Variants in UBE2E2 observed in about 807,000 individuals in gnomAD.
UBE2E2 encodes the protein ubiquitin-conjugating enzyme E2 E2.
UBE2E2 carries 6 observed loss-of-function variants against 24.7 expected under a neutral mutation model. The observed-to-expected ratio is 0.24, with a 90% CI of 0.13 to 0.48. The LOEUF (loss-of-function observed/expected upper bound fraction) is 0.48, where lower values mean the gene tolerates loss of function less well. Among genes scored for constraint, UBE2E2 ranks in the 20% least tolerant of loss-of-function variants. The pLI is 0.99. For missense variants in UBE2E2, 169 were observed against 245.0 expected (o/e 0.69, Z 2.07); for synonymous variants, 104 against 83.6 (o/e 1.24, Z -1.33).
At position 23,583,943 on chromosome 3, in the gene UBE2E2, C is replaced by CA. The variant is rs1171862059; in HGVS notation, c.509-5790dup. On this transcript the variant is annotated intron_variant, in intron 5 of 5. Coordinates refer to ENST00000396703, the MANE Select transcript of UBE2E2 (RefSeq NM_152653.4). This position sits in a 1 kb window ranked among gnomAD's most constrained non-coding sequence, Gnocchi z 4.1. ...GCCTGATTGCTCTGGCTAAGAATTC[C>CA]AGTGTAATATTGACTAGGAGTAGTG... Among the ~76,000 whole-genome samples, 1 of 152,104 alleles carries CA rather than the reference C, an allele frequency of 6.6e-6. No individual in the cohort carries two copies. Among genetic ancestry groups the CA allele is most frequent in the Non-Finnish European group, 1.5e-5 (1 of 68,006 alleles).
At chr3:23,302,069 C>T (rs781462022) in intron 3 of UBE2E2, among the ~76,000 whole-genome samples, 5 of 152,012 alleles carry the variant, frequency 3.3e-5, no homozygotes, top group South Asian at 2.1e-4. Context: ...CAGTATAGCT[C>T]GTATCTTTGT....
intron 5 of UBE2E2, among the ~76,000 whole-genome samples, chr3:23,584,879 C>G (rs191441043): frequency 1.5e-3 from 232 of 152,124 alleles, no homozygotes; most frequent in African/African-American, 5.3e-3. Flanking sequence ...GTTGGTATGA[C>G]AGTCTTTCAC....
At chr3:23,361,121 C>T (rs1414826887) in intron 3 of UBE2E2, among the ~76,000 whole-genome samples, 1 of 152,158 alleles carries the variant, frequency 6.6e-6, no homozygotes, top group Non-Finnish European at 1.5e-5. Context: ...ATTAAAACCA[C>T]AGTGAGATAC....
intron 3 of UBE2E2, among the ~76,000 whole-genome samples, chr3:23,435,778 G>C (rs965794892): frequency 8.5e-5 from 13 of 152,190 alleles, no homozygotes; most frequent in Admixed American, 2.6e-4. Context: ...TAAGGTGGAT[G>C]GTTTCGCTAG....
chr3:23,381,172 T>C (rs1696660487), intron 3 of UBE2E2, among the ~76,000 whole-genome samples: 1 of 152,216 alleles, frequency 6.6e-6, no homozygotes, highest in African/African-American at 2.4e-5. Flanking sequence ...TTTCCCACAG[T>C]ATACACAATC....
At chr3:23,245,006 C>T (rs1697357624) in intron 3 of UBE2E2, among the ~76,000 whole-genome samples, 1 of 152,058 alleles carries the variant, frequency 6.6e-6, no homozygotes, top group Non-Finnish European at 1.5e-5. Context: ...CTGGGAAGGT[C>T]CTGATTTCAG....
At chr3:23,382,531 C>T (rs1236116237) in intron 3 of UBE2E2, among the ~76,000 whole-genome samples, 19 of 152,160 alleles carry the variant, frequency 1.2e-4, no homozygotes, top group Non-Finnish European at 2.2e-4. Context: ...GTATTAATGG[C>T]ATATTTGGGA....
At chr3:23,313,055 A>G (rs769572843) in intron 3 of UBE2E2, among the ~76,000 whole-genome samples, 7 of 152,294 alleles carry the variant, frequency 4.6e-5, no homozygotes, top group Admixed American at 6.5e-5. Flanking sequence ...TGAGGAGTAC[A>G]CAGCGTATTC....
At chr3:23,473,364 G>A (rs756740224) in intron 3 of UBE2E2, among the ~76,000 whole-genome samples, 8 of 151,794 alleles carry the variant, frequency 5.3e-5, no homozygotes, top group African/African-American at 9.7e-5. Flanking sequence ...TATCCCCAGG[G>A]GTCAAAAAAA....
At chr3:23,307,614 G>T (rs758943841) in intron 3 of UBE2E2, among the ~76,000 whole-genome samples, 15 of 152,096 alleles carry the variant, frequency 9.9e-5, no homozygotes, top group Non-Finnish European at 2.1e-4. Context: ...GTTGAGTTCA[G>T]CAAGTACTAA....
At chr3:23,324,572 C>T (rs980130988) in intron 3 of UBE2E2, among the ~76,000 whole-genome samples, 2 of 152,056 alleles carry the variant, frequency 1.3e-5, no homozygotes, top group Non-Finnish European at 2.9e-5. Flanking sequence ...TTACATCCTT[C>T]AGTTTTGTTA....
At chr3:23,266,159 A>G (rs1449014953) in intron 3 of UBE2E2, among the ~76,000 whole-genome samples, 1 of 152,100 alleles carries the variant, frequency 6.6e-6, no homozygotes, top group Admixed American at 6.5e-5. Flanking sequence ...TAAAGTTAAT[A>G]TTGTTATGTG....
intron 3 of UBE2E2, among the ~76,000 whole-genome samples, chr3:23,333,017 A>G (rs1368918116): frequency 1.3e-5 from 2 of 152,156 alleles, no homozygotes; most frequent in Non-Finnish European, 2.9e-5. Context: ...ATTACTAGGA[A>G]AAGTATGACA....
intron 3 of UBE2E2, among the ~76,000 whole-genome samples, chr3:23,322,701 G>A (rs1694777528): frequency 6.6e-6 from 1 of 151,910 alleles, no homozygotes; most frequent in African/African-American, 2.4e-5. Flanking sequence ...ACAGTCTAAG[G>A]TTACATATAT....
At chr3:23,266,654 A>G (rs930101524) in intron 3 of UBE2E2, among the ~76,000 whole-genome samples, 4 of 152,048 alleles carry the variant, frequency 2.6e-5, no homozygotes, top group African/African-American at 9.7e-5. Flanking sequence ...ATCTTTCAGA[A>G]AGTTAAGAAG....
intron 3 of UBE2E2, among the ~76,000 whole-genome samples, chr3:23,315,957 A>G (rs902520782): frequency 6.6e-6 from 1 of 151,928 alleles, no homozygotes; most frequent in Non-Finnish European, 1.5e-5. Context: ...TTCTTCCTTT[A>G]CTTTATCCCA....
rs1160400022 is a variant in UBE2E2, at chr3:23,280,911, A to C, written c.227+63599A>C. Among the ~76,000 whole-genome samples the C allele has an allele frequency of 6.6e-6, 1 of 152,214 alleles. No homozygotes were observed. The highest frequency in any genetic ancestry group is 1.5e-5 in the Non-Finnish European group (1 of 68,040). On this transcript the variant is annotated intron_variant, in intron 3 of 5. Coordinates refer to ENST00000396703, the MANE Select transcript of UBE2E2 (RefSeq NM_152653.4). The surrounding 1 kb of genome is among the most constrained non-coding windows in gnomAD (Gnocchi z 4.3). ...CAGCATTTATTTCTCACAACTCAGGAGATTGGGAAGTCCAAGATCAAAGTG... is the reference window on the plus strand; with the variant it reads ...CAGCATTTATTTCTCACAACTCAGGCGATTGGGAAGTCCAAGATCAAAGTG...
intron 3 of UBE2E2, among the ~76,000 whole-genome samples, chr3:23,255,779 A>G: frequency 6.6e-6 from 1 of 152,210 alleles, no homozygotes; most frequent in East Asian, 1.9e-4. Context: ...ATATCACAGT[A>G]TCTGGGAATA....
intron 3 of UBE2E2, among the ~76,000 whole-genome samples, chr3:23,456,595 A>T (rs1407031338): frequency 1.3e-5 from 2 of 152,244 alleles, no homozygotes; most frequent in Admixed American, 6.5e-5. Context: ...GACCAGGTGC[A>T]TTGTCAGTGA....
Sources: gnomAD v4.1 joint callset for allele counts (sites outside exome capture counted in the v4.1 genomes callset) on GRCh38, gnomAD v4.1.1 for gene constraint, Gnocchi (gnomAD v3.1) non-coding constraint, MANE v1.5 for transcripts, NCBI Gene and HGNC (gene_info 2026-07-23, HGNC 2026-07-21) for gene names.